The following SLC26A7 variants were observed in gnomAD, a reference collection of about 807,000 sequenced individuals.
SLC26A7 encodes the protein anion exchange transporter.
In SLC26A7, 59 loss-of-function variants were observed where a neutral mutation model predicts 82.5. The observed-to-expected ratio is 0.72, with a 90% CI of 0.58 to 0.89. SLC26A7 has a LOEUF of 0.89. Among genes scored for constraint, SLC26A7 ranks in the 40% least tolerant of loss-of-function variants. SLC26A7 has a pLI of 0.00. For synonymous variants in SLC26A7, 271 were observed against 274.3 expected, an observed-to-expected ratio of 0.99 and a Z score of 0.12; for missense variants, 820 against 793.0, an observed-to-expected ratio of 1.03 and a Z score of -0.41.
At chr8:91,272,294 T>C (rs1195165762) in intron 2 of SLC26A7, among the ~76,000 whole-genome samples, 1 of 152,238 alleles carries the variant, frequency 6.6e-6, no homozygotes, top group African/African-American at 2.4e-5. Context: ...GAGACCCTGG[T>C]ACTTTGCTTG....
chr8:91,344,065 CTAT>C, intron 9 of SLC26A7: 1 of 984,900 alleles, frequency 1.0e-6, no homozygotes, highest in South Asian at 4.7e-5. Flanking sequence ...GAAGATGTTG[CTAT>C]TGATGATGAT....
At chr8:91,251,615 T>C (rs1296804590) in intron 2 of SLC26A7, among the ~76,000 whole-genome samples, 1 of 152,084 alleles carries the variant, frequency 6.6e-6, no homozygotes, top group Non-Finnish European at 1.5e-5. Flanking sequence ...GGCAATGCCC[T>C]AAACCCTTAC....
chr8:91,311,707 G>A (rs1812492296), intron 4 of SLC26A7, among the ~76,000 whole-genome samples: 1 of 152,182 alleles, frequency 6.6e-6, no homozygotes, highest in Non-Finnish European at 1.5e-5. Flanking sequence ...TCTATGGTCT[G>A]TGCTTTTCTC....
At chr8:91,212,533 A>T (rs1464357895) in intron 1 of SLC26A7, among the ~76,000 whole-genome samples, 1 of 152,180 alleles carries the variant, frequency 6.6e-6, no homozygotes, top group East Asian at 1.9e-4. Context: ...TGTAACTTTA[A>T]TTCCTTTTTT....
intron 2 of SLC26A7, among the ~76,000 whole-genome samples, chr8:91,234,406 A>G (rs556075916): frequency 6.6e-6 from 1 of 152,196 alleles, no homozygotes; most frequent in South Asian, 2.1e-4. Context: ...GTAGTTGCCT[A>G]CCAGTTAGCC....
chr8:91,276,732 G>C (rs1053858523), intron 2 of SLC26A7, among the ~76,000 whole-genome samples: 1 of 152,036 alleles, frequency 6.6e-6, no homozygotes, highest in African/African-American at 2.4e-5. Context: ...AAATTCCTTG[G>C]CCAGCAATCT....
At chr8:91,348,979 T>G (rs1813641387) in intron 9 of SLC26A7, among the ~76,000 whole-genome samples, 1 of 152,186 alleles carries the variant, frequency 6.6e-6, no homozygotes. Context: ...AGTTGGCCAG[T>G]TAGGGAATGA....
In SLC26A7 at chr8:91,225,033, C is replaced by T. The variant is rs546902233; in HGVS notation, c.-34+6028C>T. Among the ~76,000 whole-genome samples the T allele has an allele frequency of 5.3e-5, 8 of 152,300 alleles. No individual in the cohort carries two copies. The East Asian group carries it at 1.6e-3, about 30-fold the overall frequency. On this transcript the variant is annotated intron_variant, in intron 2 of 5. Transcript: ENST00000522862. ...GACCAAGCCATCCAGCCTCCCTGGC[C>T]CCAGCAGGGGAAAAAGCGCAGCCTG...
At chr8:91,356,361 C>T (rs1313404789) in intron 11 of SLC26A7, among the ~76,000 whole-genome samples, 1 of 151,666 alleles carries the variant, frequency 6.6e-6, no homozygotes, top group African/African-American at 2.4e-5. Context: ...TAAAAGTGTT[C>T]CTGTTTCTCC....
At chr8:91,355,886 C>T (rs1048879912) in intron 11 of SLC26A7, among the ~76,000 whole-genome samples, 1 of 152,016 alleles carries the variant, frequency 6.6e-6, no homozygotes, top group Non-Finnish European at 1.5e-5. Flanking sequence ...TCTCCCCCAA[C>T]CCCAGAACAG....
At chr8:91,380,417 G>A (rs1211332525) in intron 15 of SLC26A7, among the ~76,000 whole-genome samples, 1 of 151,934 alleles carries the variant, frequency 6.6e-6, no homozygotes, top group Non-Finnish European at 1.5e-5. Context: ...ATAATTTTGG[G>A]CATAAAACAA....
chr8:91,216,269 C>T (rs1810045555), intron 1 of SLC26A7, among the ~76,000 whole-genome samples: 4 of 152,112 alleles, frequency 2.6e-5, no homozygotes, highest in African/African-American at 9.7e-5. Flanking sequence ...AGACACTTTG[C>T]ATTCCTGCTT....
At position 91,249,845 on chromosome 8, in the gene SLC26A7, GTAA is replaced by G; in HGVS notation, c.193+3_193+5del. On this transcript the variant is annotated splice_donor_variant and splice_donor_region_variant and intron_variant, in intron 2 of 18. Transcript: ENST00000276609. LOFTEE classifies it high-confidence loss of function. ...TTGGCAGTTCAACAGGTGACCCAAGGTAATGTATTGCATTTGAGTTTCCTGTAT... is the reference window on the plus strand; with the variant it reads ...TTGGCAGTTCAACAGGTGACCCAAGGTGTATTGCATTTGAGTTTCCTGTAT... 6.3e-7 allele frequency: 1 copy of G among 1,594,506 alleles called. No homozygotes were observed. Among genetic ancestry groups the G allele is most frequent in the Non-Finnish European group, 8.5e-7 (1 of 1,172,620 alleles).
At chr8:91,358,496 A>AT (rs1369251339) in intron 11 of SLC26A7, among the ~76,000 whole-genome samples, 14 of 151,542 alleles carry the variant, frequency 9.2e-5, no homozygotes, top group Admixed American at 2.0e-4. Flanking sequence ...GGCCTGGCTA[A>AT]TTTTTTTGTA....
chr8:91,390,640 C>T (rs1008607674), intron 16 of SLC26A7, among the ~76,000 whole-genome samples: 1 of 152,028 alleles, frequency 6.6e-6, no homozygotes, highest in African/African-American at 2.4e-5. Flanking sequence ...TAGAGCCTCC[C>T]TGCGTGGCTT....
At chr8:91,363,584 G>A (rs1251033512) in intron 13 of SLC26A7, 46 bp downstream of exon 13, 1 of 1,132,144 alleles carries the variant, frequency 8.8e-7, no homozygotes, top group Non-Finnish European at 1.3e-6. Flanking sequence ...TAATCATTTT[G>A]TGGGTGAGAT....
chr8:91,289,080 A>T, intron 2 of SLC26A7, 56 bp from the exon 3 acceptor site: 2 of 1,117,754 alleles, frequency 1.8e-6, no homozygotes, highest in Non-Finnish European at 1.4e-6. Context: ...CTTTTGTGTA[A>T]CAGACTGTGT....
At chr8:91,296,985 G>A (rs1812034009) in intron 4 of SLC26A7, among the ~76,000 whole-genome samples, 1 of 152,016 alleles carries the variant, frequency 6.6e-6, no homozygotes, top group Admixed American at 6.5e-5. Context: ...ATCAAACATG[G>A]ATATATTGCC....
chr8:91,273,168 G>T (rs946644518), intron 2 of SLC26A7, among the ~76,000 whole-genome samples: 14 of 152,048 alleles, frequency 9.2e-5, no homozygotes, highest in African/African-American at 3.1e-4. Context: ...TGTTTTTAAT[G>T]CATATTGTTT....
Sources: gnomAD v4.1 joint callset for allele counts (sites outside exome capture counted in the v4.1 genomes callset) on GRCh38, gnomAD v4.1.1 for gene constraint, MANE v1.5 for transcripts, NCBI Gene and HGNC (gene_info 2026-07-23, HGNC 2026-07-21) for gene names.